DSCAM: variants seen among roughly 807,000 people sequenced by gnomAD.
The protein encoded by DSCAM is cell adhesion molecule DSCAM.
DSCAM carries 47 observed loss-of-function variants against 217.7 expected under a neutral mutation model. The ratio of observed to expected loss-of-function variants is 0.22; its 90% CI spans 0.17 to 0.28. The LOEUF (loss-of-function observed/expected upper bound fraction) is 0.28, where lower values mean the gene tolerates loss of function less well. Ranked by LOEUF, DSCAM falls within the 10% of genes least tolerant of loss-of-function variation. DSCAM has a pLI of 1.00. For synonymous variants in DSCAM, 1,056 were observed against 1,015.3 expected, an observed-to-expected ratio of 1.04 and a Z score of -0.76; for missense variants, 2,080 against 2,618.3, an observed-to-expected ratio of 0.79 and a Z score of 4.49.
intron 11 of DSCAM, among the ~76,000 whole-genome samples, chr21:40,249,038 A>G (rs557242328): frequency 2.0e-5 from 3 of 152,316 alleles, no homozygotes; most frequent in East Asian, 3.9e-4. Context: ...TGATTCAATT[A>G]TCTCCCACTG....
At chr21:40,735,285 TC>T (rs2091051822) in intron 1 of DSCAM, among the ~76,000 whole-genome samples, 1 of 152,168 alleles carries the variant, frequency 6.6e-6, no homozygotes, top group African/African-American at 2.4e-5. Context: ...TAAATTCCAT[TC>T]AAAAGATACA....
At chr21:40,244,306 C>T (rs1223591742) in intron 11 of DSCAM, among the ~76,000 whole-genome samples, 1 of 152,052 alleles carries the variant, frequency 6.6e-6, no homozygotes, top group Non-Finnish European at 1.5e-5. Flanking sequence ...CAAAAATTAG[C>T]TGGGCATGGT....
At chr21:40,730,074 G>T (rs2146523575) in intron 1 of DSCAM, among the ~76,000 whole-genome samples, 1 of 152,208 alleles carries the variant, frequency 6.6e-6, no homozygotes, top group East Asian at 1.9e-4. Context: ...ATGTGGCTTG[G>T]GCTTCACCGA....
chr21:40,103,603 A>C (rs961866216), intron 20 of DSCAM, among the ~76,000 whole-genome samples: 1 of 152,106 alleles, frequency 6.6e-6, no homozygotes, highest in African/African-American at 2.4e-5. Flanking sequence ...TGAGAGGCCA[A>C]CATTGGTAGA....
chr21:40,652,816 A>C (rs2090032337), intron 3 of DSCAM, among the ~76,000 whole-genome samples: 1 of 152,136 alleles, frequency 6.6e-6, no homozygotes, highest in African/African-American at 2.4e-5. Flanking sequence ...TATGCCAACA[A>C]TTGGATTATG....
intron 1 of DSCAM, among the ~76,000 whole-genome samples, chr21:40,766,635 C>A (rs2091392562): frequency 8.4e-6 from 1 of 119,544 alleles, no homozygotes; most frequent in Non-Finnish European, 1.6e-5. Flanking sequence ...TGGTCACCAT[C>A]ACTAATGTTT....
intron 4 of DSCAM, among the ~76,000 whole-genome samples, chr21:40,367,078 C>T (rs1734725616): frequency 6.6e-6 from 1 of 152,164 alleles, no homozygotes. Context: ...CCACTATCTT[C>T]AAGGACATAG....
intron 32 of DSCAM, among the ~76,000 whole-genome samples, chr21:40,039,309 C>CAA (rs200149289): frequency 4.5e-5 from 6 of 133,586 alleles, no homozygotes; most frequent in African/African-American, 1.3e-4. Context: ...AAATAAAAAT[C>CAA]AAAAAAAAAA....
At chr21:40,466,083 A>G (rs2075843062) in intron 3 of DSCAM, among the ~76,000 whole-genome samples, 2 of 152,224 alleles carry the variant, frequency 1.3e-5, no homozygotes. Flanking sequence ...AAGAAACGCC[A>G]GCATCCCACA....
At chr21:40,290,203 C>T (rs923947568) in intron 10 of DSCAM, among the ~76,000 whole-genome samples, 10 of 152,158 alleles carry the variant, frequency 6.6e-5, no homozygotes, top group African/African-American at 2.4e-4. Context: ...GAAGAGAACA[C>T]TTAGAGATAC....
In DSCAM at chr21:40,189,149, G is replaced by A. The variant is rs1460540007; in HGVS notation, c.2446C>T (p.Pro816Ser). 6.2e-7 allele frequency: 1 copy of A among 1,613,970 alleles called. No individual in the cohort carries two copies. Among genetic ancestry groups the A allele is most frequent in the East Asian group, 2.2e-5 (1 of 44,876 alleles). ...EMSCTAHGEK[P>S]IIVRWEKEDR... is the part of the protein sequence containing the mutation. Reference sequence around the variant, plus strand: ...TCCTTCTCCCAGCGGACTATAATGGGCTTCTCACCATGCGCCGTGCAGCTC... The same window carrying A: ...TCCTTCTCCCAGCGGACTATAATGGACTTCTCACCATGCGCCGTGCAGCTC... The change falls in exon 12 of 33, where the codon CCC becomes TCC. Residue 816 changes from proline (P) to serine (S), a missense_variant. Around this residue, in one of 5 missense-constraint regions of DSCAM, gnomAD observed 1,144 missense variants for 1,421.1 expected, o/e 0.81. Coordinates refer to ENST00000400454, the MANE Select transcript of DSCAM (RefSeq NM_001389.5).
At chr21:40,654,457 G>A (rs2090050848) in intron 3 of DSCAM, among the ~76,000 whole-genome samples, 1 of 152,188 alleles carries the variant, frequency 6.6e-6, no homozygotes, top group Non-Finnish European at 1.5e-5. Flanking sequence ...TTTTACAGCT[G>A]CGGTAACAAA....
At chr21:40,122,845 A>T (rs981726008) in intron 20 of DSCAM, among the ~76,000 whole-genome samples, 10 of 152,184 alleles carry the variant, frequency 6.6e-5, no homozygotes, top group Admixed American at 4.6e-4. Flanking sequence ...ACACTCTCAC[A>T]CACTCACTGT....
intron 3 of DSCAM, among the ~76,000 whole-genome samples, chr21:40,436,094 G>C (rs966822237): frequency 6.6e-6 from 1 of 152,200 alleles, no homozygotes; most frequent in East Asian, 1.9e-4. Context: ...CATATTAAAT[G>C]CATTTTCAGC....
intron 3 of DSCAM, among the ~76,000 whole-genome samples, chr21:40,473,283 G>A (rs1365009585): frequency 1.3e-5 from 2 of 152,204 alleles, no homozygotes; most frequent in Non-Finnish European, 2.9e-5. Context: ...TGGACCTAGA[G>A]GTGGTTAAGG....
At chr21:40,377,705 G>A (rs1404899443) in intron 3 of DSCAM, among the ~76,000 whole-genome samples, 2 of 151,992 alleles carry the variant, frequency 1.3e-5, no homozygotes, top group East Asian at 2.0e-4. Context: ...AGGAAGGGGA[G>A]TGAAGGAAGG....
chr21:40,427,946 G>A (rs1267675056), intron 3 of DSCAM, among the ~76,000 whole-genome samples: 1 of 152,170 alleles, frequency 6.6e-6, no homozygotes, highest in Non-Finnish European at 1.5e-5. Context: ...TTAATCAGCT[G>A]AATTTTGATC....
chr21:40,750,867 T>A (rs2091220487), intron 1 of DSCAM, among the ~76,000 whole-genome samples: 2 of 152,130 alleles, frequency 1.3e-5, no homozygotes, highest in Non-Finnish European at 1.5e-5. Context: ...AGCACGCTGC[T>A]CCTTTCCCCA....
chr21:40,462,197 T>C (rs887478212), intron 3 of DSCAM, among the ~76,000 whole-genome samples: 1 of 152,166 alleles, frequency 6.6e-6, no homozygotes, highest in Non-Finnish European at 1.5e-5. Context: ...ATATAGGAGA[T>C]CCCAGCCATA....
Sources: allele counts gnomAD v4.1 joint callset (sites outside exome capture counted in the v4.1 genomes callset), GRCh38; gene constraint gnomAD v4.1.1; regional missense constraint gnomAD v4.1.1; transcripts MANE v1.5; gene names NCBI Gene and HGNC (gene_info 2026-07-23, HGNC 2026-07-21).